Variants in TMEM40 observed in about 807,000 individuals in gnomAD.
TMEM40 encodes transmembrane protein 40.
TMEM40 carries 34 observed loss-of-function variants against 40.8 expected under a neutral mutation model. The ratio of observed to expected loss-of-function variants is 0.83; its 90% CI spans 0.63 to 1.11. The LOEUF is 1.11. Ranked by LOEUF, TMEM40 falls within the 50% of genes least tolerant of loss-of-function variation. The pLI is 0.00. For missense variants in TMEM40, 296 were observed against 280.2 expected, an observed-to-expected ratio of 1.06 and a Z score of -0.40; for synonymous variants, 106 against 107.0, an observed-to-expected ratio of 0.99 and a Z score of 0.06.
chr3:12,753,084 T>A (rs2061490716), intron 1 of TMEM40, among the ~76,000 whole-genome samples: 4 of 152,180 alleles, frequency 2.6e-5, no homozygotes. Context: ...TTTAGCACAC[T>A]GAAGGGGAGG....
chr3:12,736,910 G>T, intron 8 of TMEM40, 75 bp from the exon 9 acceptor site: 1 of 1,579,840 alleles, frequency 6.3e-7, no homozygotes, highest in Non-Finnish European at 8.7e-7. Context: ...ACAAGGTCTT[G>T]CTCTGTCACC....
intron 3 of TMEM40, among the ~76,000 whole-genome samples, chr3:12,745,870 T>C (rs1017269787): frequency 1.3e-5 from 2 of 152,124 alleles, no homozygotes; most frequent in African/African-American, 4.8e-5. Context: ...AACTGTGAGC[T>C]AAATACACCT....
intron 1 of TMEM40, among the ~76,000 whole-genome samples, chr3:12,755,221 C>CTT (rs1232868322): frequency 1.2e-5 from 1 of 82,980 alleles, no homozygotes; most frequent in African/African-American, 7.2e-5. Context: ...CTTTCTCTCT[C>CTT]TCTCTCTCTC....
intron 1 of TMEM40, 128 bp from the exon 2 acceptor site, chr3:12,749,968 A>C (rs2061460941): frequency 1.1e-6 from 1 of 921,134 alleles, no homozygotes; most frequent in African/African-American, 1.7e-5. Context: ...AATAATTAAC[A>C]AAAAAAATGG....
chr3:12,767,954 T>A (rs993263976), intron 1 of TMEM40, among the ~76,000 whole-genome samples: 1 of 152,164 alleles, frequency 6.6e-6, no homozygotes, highest in Non-Finnish European at 1.5e-5. Context: ...AATGGAACAC[T>A]AAGGACCATC....
intron 3 of TMEM40, among the ~76,000 whole-genome samples, chr3:12,747,991 T>C (rs2061442519): frequency 1.4e-5 from 2 of 142,794 alleles, no homozygotes; most frequent in Admixed American, 1.4e-4. Context: ...AAGGACTCAA[T>C]ACTTAGGAAT....
intron 10 of TMEM40, 32 bp from the exon 11 acceptor site, chr3:12,735,649 G>C (rs769626548): frequency 1.6e-5 from 25 of 1,602,470 alleles, no homozygotes; most frequent in African/African-American, 2.7e-5. Flanking sequence ...AGTAAGTTAA[G>C]TTTGTGCCCC....
chr3:12,736,823 T>C lies in TMEM40; in HGVS notation c.485A>G (p.His162Arg). The part of the protein sequence containing the change: ...LNIKKDDEFF[H>R]FVLLCFAIGA... ...GATGGCAAAGCACAGGAGGACGAAA[T>C]GGAAAAACTCATCTGTGAAGGCAGG... Residue 162 changes from histidine (H) to arginine (R), a missense_variant, in exon 9 of 12, where the codon CAT (histidine) becomes CGT (arginine). Transcript: ENST00000314124. The C allele has an allele frequency of 1.9e-6, 3 of 1,613,952 alleles. No individual in the cohort carries two copies. The highest frequency in any genetic ancestry group is 2.5e-6 in the Non-Finnish European group (3 of 1,179,998).
intron 1 of TMEM40, among the ~76,000 whole-genome samples, chr3:12,768,246 TTCG>T: frequency 6.6e-6 from 1 of 152,224 alleles, no homozygotes; most frequent in Non-Finnish European, 1.5e-5. Context: ...CCTGCAGACC[TTCG>T]TGGTGAGTGT....
chr3:12,752,388 C>G (rs2061484564), intron 1 of TMEM40, among the ~76,000 whole-genome samples: 1 of 152,224 alleles, frequency 6.6e-6, no homozygotes, highest in African/African-American at 2.4e-5. Flanking sequence ...TGCCTACTAT[C>G]TGCCAGGCAA....
intron 1 of TMEM40, among the ~76,000 whole-genome samples, chr3:12,753,710 C>A (rs2061497146): frequency 6.6e-6 from 1 of 152,212 alleles, no homozygotes; most frequent in Admixed American, 6.5e-5. Context: ...ACATCCAAGG[C>A]TGATCCTACA....
Position 12,737,770 on chromosome 3 carries a change from G to C in TMEM40, c.425-16C>G. The C allele has an allele frequency of 6.2e-7, 1 of 1,612,684 alleles. No individual in the cohort carries two copies. Among genetic ancestry groups the C allele is most frequent in the Non-Finnish European group, 8.5e-7 (1 of 1,178,800 alleles). ...TCCACTTCTCCTTAAGAACAAGAGA[G>C]AGATGAATATTTAACTTTGATGCAG... On this transcript the variant is annotated splice_polypyrimidine_tract_variant and intron_variant, in intron 7 of 11. Transcript: ENST00000314124.
At chr3:12,769,169 A>G in intron 1 of TMEM40, 1 of 301,408 alleles carries the variant, frequency 3.3e-6, no homozygotes, top group Non-Finnish European at 7.2e-6. Flanking sequence ...GGGCCTACCA[A>G]GCCCAAGCCC....
At chr3:12,751,983 C>T (rs2061481139) in intron 1 of TMEM40, among the ~76,000 whole-genome samples, 1 of 152,188 alleles carries the variant, frequency 6.6e-6, no homozygotes, top group African/African-American at 2.4e-5. Flanking sequence ...ATCTGACCTT[C>T]CAAGCACAGG....
exon 1 of TMEM40, chr3:12,769,263 TG>T: frequency 2.4e-6 from 1 of 412,838 alleles, no homozygotes; most frequent in Non-Finnish European, 5.0e-6. Context: ...CCCGGAAGGC[TG>T]AGGGAGCCGG....
At chr3:12,766,847 G>T (rs971294940) in intron 1 of TMEM40, among the ~76,000 whole-genome samples, 1 of 147,938 alleles carries the variant, frequency 6.8e-6, no homozygotes, top group African/African-American at 2.7e-5. Context: ...GGGGCAGAGG[G>T]GGGACCAGGA....
chr3:12,748,736 G>A lies in TMEM40; in HGVS notation c.130C>T (p.Gln44Ter), dbSNP rs778227306. ...DGKAGLFSQE[Q>*]YERNKSSSSS... is the part of the protein sequence containing the mutation. ...GAAGAAGACTTGTTTCTCTCATATT[G>A]TTCTTGGGAAAAGAGTCCAGCCTTC... The change falls in exon 3 of 12, where the codon CAA (glutamine) becomes TAA (stop). Residue 44 changes from glutamine (Q) to a stop codon, truncating the protein, a stop_gained. Coordinates refer to ENST00000314124, the MANE Select transcript of TMEM40 (RefSeq NM_018306.4). LOFTEE classifies it high-confidence loss of function. 3 of 1,614,146 alleles carry A rather than the reference G, an allele frequency of 1.9e-6. No homozygotes were observed. Among genetic ancestry groups the A allele is most frequent in the Non-Finnish European group, 2.5e-6 (3 of 1,180,016 alleles).
At chr3:12,762,268 G>A (rs967499076), upstream of TMEM40, among the ~76,000 whole-genome samples, 3 of 152,168 alleles carry the variant, frequency 2.0e-5, no homozygotes, top group Non-Finnish European at 4.4e-5. Context: ...AAAGCACCTG[G>A]TCTGGATATA....
At chr3:12,762,881 C>A (rs111794343), upstream of TMEM40, among the ~76,000 whole-genome samples, 5 of 152,118 alleles carry the variant, frequency 3.3e-5, no homozygotes, top group Non-Finnish European at 5.9e-5. Flanking sequence ...GGTTTAAATG[C>A]AGCTGGGCGC....
Sources: gnomAD v4.1 joint callset for allele counts (sites outside exome capture counted in the v4.1 genomes callset) on GRCh38, gnomAD v4.1.1 for gene constraint, MANE v1.5 for transcripts, NCBI Gene and HGNC (gene_info 2026-07-23, HGNC 2026-07-21) for gene names.